Variants in ANKS4B observed in about 807,000 individuals in gnomAD.
ANKS4B encodes the protein ankyrin repeat and SAM domain-containing protein 4B.
Under a neutral mutation model 20.2 loss-of-function variants are expected in ANKS4B, and 21 were observed. The ratio of observed to expected loss-of-function variants is 1.04; its 90% CI spans 0.74 to 1.50. The LOEUF (loss-of-function observed/expected upper bound fraction) is 1.50, where lower values mean the gene tolerates loss of function less well. ANKS4B is among the 40% of genes most tolerant of loss of function. The pLI is 0.00. For synonymous variants in ANKS4B, 179 were observed against 194.5 expected (o/e 0.92, Z 0.66); for missense variants, 473 against 494.6 (o/e 0.96, Z 0.41).
chr16:21,235,376 G>A (rs1206432336), intron 1 of ANKS4B, among the ~76,000 whole-genome samples: 1 of 152,108 alleles, frequency 6.6e-6, no homozygotes, highest in Non-Finnish European at 1.5e-5. Flanking sequence ...AGTAGGAGTG[G>A]GGTCAGGACA....
chr16:21,235,535 C>A (rs140006515), intron 1 of ANKS4B, among the ~76,000 whole-genome samples: 1 of 152,066 alleles, frequency 6.6e-6, no homozygotes, highest in African/African-American at 2.4e-5. Context: ...GGATAACAGT[C>A]GGAGAGAATG....
At position 21,250,648 on chromosome 16, in the gene ANKS4B, T is replaced by C. The variant is rs1361390215; in HGVS notation, c.1082T>C (p.Leu361Pro). ...FLLSQHLEEF[L>P]PIFKREQIDL... ...CTGTCTCAGCACCTGGAAGAATTCC[T>C]GCCTATCTTCAAGAGAGAGCAGATT... Residue 361 changes from leucine to proline, a missense_variant, in exon 2 of 2, where the codon CTG (leucine) becomes CCG (proline). Coordinates refer to ENST00000311620, the MANE Select transcript of ANKS4B (RefSeq NM_145865.3). 2 of 1,614,006 alleles carry C rather than the reference T, an allele frequency of 1.2e-6. No individual in the cohort carries two copies. The highest frequency in any genetic ancestry group is 1.7e-6 in the Non-Finnish European group (2 of 1,179,862).
rs1006203653 is a variant in ANKS4B at position 21,253,174 on chromosome 16, G to A, written c.*2354G>A. 1.3e-5 allele frequency: 2 copies of A among 152,150 alleles called. No individual in the cohort carries two copies. The highest frequency in any genetic ancestry group is 4.8e-5 in the African/African-American group (2 of 41,424). 9.4% of individuals were successfully genotyped at this position (152,150 alleles called of 1,614,324 possible). On this transcript the variant is annotated 3_prime_UTR_variant, in exon 2 of 2. Coordinates refer to ENST00000311620, the MANE Select transcript of ANKS4B (RefSeq NM_145865.3). ...TGACTTACATCAAGTGGAATTTACT[G>A]TTGATTCTGGGTATAATACAGAAAC... is the stretch of plus-strand genomic sequence containing the variant.
chr16:21,245,990 T>TA (rs2093331833), intron 1 of ANKS4B, among the ~76,000 whole-genome samples: 1 of 152,254 alleles, frequency 6.6e-6, no homozygotes. Context: ...GTAATAGTAT[T>TA]ATCTTCAATT....
chr16:21,250,946 C>T lies in ANKS4B; in HGVS notation c.*126C>T, dbSNP rs1352827114. 8 of 1,365,250 alleles carry T rather than the reference C, an allele frequency of 5.9e-6. No individual in the cohort carries two copies. Among genetic ancestry groups the T allele is most frequent in the Non-Finnish European group, 7.9e-6 (8 of 1,016,812 alleles). The allele number at this position is 1,365,250 out of a possible 1,614,324, so 84.6% of individuals were successfully genotyped here. On this transcript the variant is annotated 3_prime_UTR_variant, in exon 2 of 2. Transcript: ENST00000311620. ...ATTCTAGGGCATCGGAAATGCCTACCTGAGAGAGAGACCCAAACTTTACTC... is the reference window on the plus strand; with the variant it reads ...ATTCTAGGGCATCGGAAATGCCTACTTGAGAGAGAGACCCAAACTTTACTC...
chr16:21,239,145 A>G (rs2093323496), intron 1 of ANKS4B, among the ~76,000 whole-genome samples: 1 of 152,234 alleles, frequency 6.6e-6, no homozygotes, highest in South Asian at 2.1e-4. Flanking sequence ...GCGAACACTT[A>G]TACACTGTTG....
Position 21,251,497 on chromosome 16 carries a change from A to C in ANKS4B, c.*677A>C, listed in dbSNP as rs2093339452. ...TTTACTTTTCTATCTCTGGATTTAA[A>C]ATTATAATCTCATCACATTATCCTG... On this transcript the variant is annotated 3_prime_UTR_variant, in exon 2 of 2. Coordinates refer to ENST00000311620, the MANE Select transcript of ANKS4B (RefSeq NM_145865.3). The C allele has an allele frequency of 6.6e-6, 1 of 152,198 alleles. No individual in the cohort carries two copies. Among genetic ancestry groups the C allele is most frequent in the Non-Finnish European group, 1.5e-5 (1 of 68,054 alleles). The allele number at this position is 152,198 out of a possible 1,614,324, so 9.4% of individuals were successfully genotyped here.
chr16:21,249,046 C>T (rs1391507676), intron 1 of ANKS4B, among the ~76,000 whole-genome samples: 2 of 152,260 alleles, frequency 1.3e-5, no homozygotes, highest in African/African-American at 4.8e-5. Flanking sequence ...CAATCCTATC[C>T]CTAGTTTCAG....
chr16:21,242,656 C>T (rs1032913818), intron 1 of ANKS4B, among the ~76,000 whole-genome samples: 1 of 152,164 alleles, frequency 6.6e-6, no homozygotes, highest in African/African-American at 2.4e-5. Context: ...TGTGGAGCCA[C>T]CATGTTTTCT....
At chr16:21,244,272 G>A (rs1448226813) in intron 1 of ANKS4B, among the ~76,000 whole-genome samples, 1 of 152,000 alleles carries the variant, frequency 6.6e-6, no homozygotes, top group Admixed American at 6.6e-5. Context: ...GGGGGGTCGG[G>A]GGCAAGAGGA....
In ANKS4B at chr16:21,251,911, G is replaced by A. The variant is rs1041933956; in HGVS notation, c.*1091G>A. The stretch of plus-strand genomic sequence containing the variant: ...ATAAGAATGCAACCCTAATCCTGTA[G>A]GACTGGTGTCCTTTTTTTCCCTTTT... On this transcript the variant is annotated 3_prime_UTR_variant, in exon 2 of 2. Transcript: ENST00000311620. 4 of 149,924 alleles carry A rather than the reference G, an allele frequency of 2.7e-5. No individual in the cohort carries two copies. The highest frequency in any genetic ancestry group is 1.3e-4 in the Admixed American group (2 of 14,820). 9.3% of individuals were successfully genotyped at this position (149,924 alleles called of 1,614,324 possible). A position where few individuals can be genotyped will look rare whatever the true frequency, so the allele number is the denominator to read the frequency against.
rs953392554 is a variant in ANKS4B, at chr16:21,233,797, T to C, written c.60T>C (p.Ala20=). 6.2e-7 allele frequency: 1 copy of C among 1,614,056 alleles called. No homozygotes were observed. The highest frequency in any genetic ancestry group is 1.1e-5 in the South Asian group (1 of 91,046). Residue 20 remains alanine (A), a synonymous_variant, in exon 1 of 2, where the codon GCT becomes GCC. Transcript: ENST00000311620. ...GTTACCTGGAACTTCTAAAAGAGGC[T>C]ACCAAGCGAGATCTAAATCTTTCGG... ...SDSYLELLKE[A]TKRDLNLSDE...
At chr16:21,236,668 C>A (rs547209408) in intron 1 of ANKS4B, among the ~76,000 whole-genome samples, 2 of 152,216 alleles carry the variant, frequency 1.3e-5, no homozygotes, top group South Asian at 2.1e-4. Flanking sequence ...GCCTCAGCCT[C>A]CCAAAGTGTT....
intron 1 of ANKS4B, among the ~76,000 whole-genome samples, chr16:21,240,774 T>C (rs1271097172): frequency 1.3e-5 from 2 of 152,094 alleles, no homozygotes; most frequent in Non-Finnish European, 2.9e-5. Flanking sequence ...TATTTTATTT[T>C]TTTTTTAATA....
At chr16:21,233,978 C>T in intron 1 of ANKS4B, 77 bp downstream of exon 1, 19 of 1,347,756 alleles carry the variant, frequency 1.4e-5, no homozygotes, top group East Asian at 2.3e-5. Context: ...GAGGCAGGGA[C>T]GTCAATACAA....
At chr16:21,234,153 C>T (rs2093317289) in intron 1 of ANKS4B, among the ~76,000 whole-genome samples, 1 of 152,152 alleles carries the variant, frequency 6.6e-6, no homozygotes, top group Admixed American at 6.5e-5. Context: ...GCATTATCTG[C>T]ATGGGGAAGA....
chr16:21,250,073 A>G lies in ANKS4B; in HGVS notation c.507A>G (p.Glu169=), dbSNP rs1411612773. 6.8e-6 allele frequency: 11 copies of G among 1,614,244 alleles called. No individual in the cohort carries two copies. Among genetic ancestry groups the G allele is most frequent in the Non-Finnish European group, 9.3e-6 (11 of 1,180,058 alleles). The change falls in exon 2 of 2, where the codon GAA becomes GAG. Residue 169 remains glutamate (E), a synonymous_variant. Transcript: ENST00000311620. ...TGGCCCACACCTACAGCAAGGAGGA[A>G]TCCGGGACTCTCTCTTCTTCCAAGG... ...NKMAHTYSKE[E]SGTLSSSKGT...
chr16:21,252,529 C>T lies in ANKS4B; in HGVS notation c.*1709C>T, dbSNP rs1003452126. Reference sequence around the variant, plus strand: ...GTTGGGGAGGAGACCAAGAAAAATACAGAAAAAAAGTCTGTCCAACTGCAA... The same window carrying T: ...GTTGGGGAGGAGACCAAGAAAAATATAGAAAAAAAGTCTGTCCAACTGCAA... On this transcript the variant is annotated 3_prime_UTR_variant, in exon 2 of 2. Coordinates refer to ENST00000311620, the MANE Select transcript of ANKS4B (RefSeq NM_145865.3). 5.9e-5 allele frequency: 9 copies of T among 151,976 alleles called. No homozygotes were observed. The highest frequency in any genetic ancestry group is 1.4e-4 in the African/African-American group (6 of 41,392). The allele number at this position is 151,976 out of a possible 1,614,324, so 9.4% of individuals were successfully genotyped here. A position where few individuals can be genotyped will look rare whatever the true frequency, so the allele number is the denominator to read the frequency against.
intron 1 of ANKS4B, among the ~76,000 whole-genome samples, chr16:21,248,313 G>A (rs992679933): frequency 1.1e-4 from 15 of 142,696 alleles, no homozygotes; most frequent in Non-Finnish European, 1.5e-5. Flanking sequence ...ACGAGCCACT[G>A]AGCCTAGCCT....
Sources: allele counts gnomAD v4.1 joint callset (sites outside exome capture counted in the v4.1 genomes callset), GRCh38; gene constraint gnomAD v4.1.1; transcripts MANE v1.5; gene names NCBI Gene and HGNC (gene_info 2026-07-23, HGNC 2026-07-21).